The following SESN1 variants were observed in gnomAD, a reference collection of about 807,000 sequenced individuals.
SESN1 encodes the protein sestrin-1.
SESN1 carries 30 observed loss-of-function variants against 59.3 expected under a neutral mutation model. That is an observed-to-expected ratio of 0.51 (90% CI 0.38 to 0.69). SESN1 has a LOEUF of 0.69. Ranked by LOEUF, SESN1 falls within the 30% of genes least tolerant of loss-of-function variation. The pLI, the probability that SESN1 is intolerant of heterozygous loss-of-function variation, is 0.00. For synonymous variants in SESN1, 197 were observed against 219.9 expected, an observed-to-expected ratio of 0.90 and a Z score of 0.92; for missense variants, 566 against 673.0, an observed-to-expected ratio of 0.84 and a Z score of 1.76.
intron 1 of SESN1, among the ~76,000 whole-genome samples, chr6:109,049,211 G>A (rs1387607520): frequency 6.6e-6 from 1 of 152,102 alleles, no homozygotes; most frequent in Non-Finnish European, 1.5e-5. Flanking sequence ...AAAAAAGAAG[G>A]AATCCTGTCA....
rs759994842 is a variant in SESN1, at chr6:108,988,707, G to A, written c.1425-20C>T. On this transcript the variant is annotated intron_variant, in intron 8 of 9. Transcript: ENST00000436639. ...TCATATCTGTTGAAAGACATAATGA[G>A]AATTATGATATTTTCAGTGTATAAC... is the stretch of plus-strand genomic sequence containing the variant. 1 of 1,565,400 alleles carries A rather than the reference G, an allele frequency of 6.4e-7. No individual in the cohort carries two copies. Among genetic ancestry groups the A allele is most frequent in the African/African-American group, 1.4e-5 (1 of 73,554 alleles).
intron 1 of SESN1, chr6:109,090,745 G>A (rs1191498215): frequency 2.0e-5 from 3 of 152,184 alleles, no homozygotes; most frequent in Non-Finnish European, 4.4e-5. Context: ...GGCAGAAGAG[G>A]CAGGCATACT....
chr6:108,991,206 T>A (rs1779375528), intron 7 of SESN1, among the ~76,000 whole-genome samples: 1 of 151,798 alleles, frequency 6.6e-6, no homozygotes, highest in Non-Finnish European at 1.5e-5. Flanking sequence ...GCTGCAGCCA[T>A]TCAAGTGGTC....
At chr6:109,072,824 G>A (rs1167661205) in intron 1 of SESN1, among the ~76,000 whole-genome samples, 1 of 151,956 alleles carries the variant, frequency 6.6e-6, no homozygotes, top group Non-Finnish European at 1.5e-5. Context: ...CTGTGTTTGT[G>A]ACTTGAAAGA....
intron 8 of SESN1, among the ~76,000 whole-genome samples, chr6:108,990,185 G>A (rs1226583532): frequency 6.6e-6 from 1 of 152,220 alleles, no homozygotes; most frequent in Non-Finnish European, 1.5e-5. Context: ...CTAACAGCAA[G>A]GACATGAAAG....
intron 1 of SESN1, among the ~76,000 whole-genome samples, chr6:109,074,203 TATG>T (rs1262660108): frequency 3.9e-5 from 6 of 152,232 alleles, no homozygotes; most frequent in African/African-American, 1.4e-4. Context: ...AAGTACATTC[TATG>T]ATGTTTGCAC....
At chr6:109,053,334 A>G (rs1014790430) in intron 1 of SESN1, among the ~76,000 whole-genome samples, 11 of 152,196 alleles carry the variant, frequency 7.2e-5, no homozygotes, top group Non-Finnish European at 1.6e-4. Context: ...TGAAAACCCA[A>G]ACAATAAGAC....
intron 1 of SESN1, among the ~76,000 whole-genome samples, chr6:109,076,781 T>C (rs1176195592): frequency 6.6e-6 from 1 of 152,208 alleles, no homozygotes. Context: ...TACAGTAAAA[T>C]TTATTTGCTG....
At chr6:109,022,411 C>CT (rs779366759) in intron 1 of SESN1, among the ~76,000 whole-genome samples, 1,359 of 65,898 alleles carry the variant, frequency 0.021, 327 homozygotes, top group East Asian at 0.11. Flanking sequence ...TGTTCTAAAG[C>CT]TTTTTTTTTT....
intron 1 of SESN1, among the ~76,000 whole-genome samples, chr6:109,059,954 C>A (rs979492707): frequency 1.3e-5 from 2 of 152,178 alleles, no homozygotes; most frequent in Admixed American, 1.3e-4. Flanking sequence ...TGACTAAACA[C>A]AGGGACTTCC....
At chr6:109,005,392 G>A (rs1187835398) in intron 1 of SESN1, among the ~76,000 whole-genome samples, 1 of 152,034 alleles carries the variant, frequency 6.6e-6, no homozygotes, top group African/African-American at 2.4e-5. Context: ...CAATTTCTAG[G>A]CCTTTATCTT....
At chr6:109,063,359 G>A (rs1420339585) in intron 1 of SESN1, among the ~76,000 whole-genome samples, 1 of 152,148 alleles carries the variant, frequency 6.6e-6, no homozygotes, top group Non-Finnish European at 1.5e-5. Context: ...TTGGGGGGAA[G>A]GCCAGTAGGC....
intron 1 of SESN1, chr6:109,008,919 ATGAAGG>A: frequency 7.1e-6 from 7 of 987,932 alleles, no homozygotes; most frequent in Non-Finnish European, 7.2e-6. Flanking sequence ...GGCAAAGGGG[ATGAAGG>A]TGGCTAAATA....
rs528407909 is a variant in SESN1 at position 109,009,867 on chromosome 6, C to A, written c.280-7524G>T. ...GGGACAGGGGAATCTGCCCCCTACA[C>A]CCCTGCTCGGCCATTTACCTAGAAC... On this transcript the variant is annotated intron_variant, in intron 1 of 9. Transcript: ENST00000436639. Among the ~76,000 whole-genome samples, 46 of 152,238 alleles carry A rather than the reference C, an allele frequency of 3.0e-4. 1 individual carries two copies. The South Asian group carries it at 9.5e-3, about 32-fold the overall frequency.
intron 1 of SESN1, among the ~76,000 whole-genome samples, chr6:109,046,733 C>A (rs1780447476): frequency 7.3e-6 from 1 of 137,128 alleles, no homozygotes. Context: ...CTCTGCCCCG[C>A]CGCCCCATCT....
At chr6:109,052,306 T>TA (rs144241849) in intron 1 of SESN1, among the ~76,000 whole-genome samples, 2,708 of 152,286 alleles carry the variant, frequency 0.018, 77 homozygotes, top group African/African-American at 0.062. Flanking sequence ...ATTTTAAAGA[T>TA]AATTTTTGTT....
intron 1 of SESN1, among the ~76,000 whole-genome samples, chr6:109,068,078 A>G (rs1327226184): frequency 6.6e-6 from 1 of 152,178 alleles, no homozygotes; most frequent in Non-Finnish European, 1.5e-5. Flanking sequence ...TCCAGTAACT[A>G]CACTCAACCT....
chr6:109,040,526 G>A (rs889357503), intron 1 of SESN1, among the ~76,000 whole-genome samples: 4 of 151,928 alleles, frequency 2.6e-5, no homozygotes, highest in Admixed American at 2.0e-4. Context: ...TTAGGGTAAC[G>A]CCAGCAAATT....
chr6:109,014,988 A>G (rs1022794976), intron 1 of SESN1, among the ~76,000 whole-genome samples: 1 of 152,192 alleles, frequency 6.6e-6, no homozygotes, highest in African/African-American at 2.4e-5. Context: ...GTTTACTGCT[A>G]TATTTCCAAT....
Sources: allele counts gnomAD v4.1 joint callset (sites outside exome capture counted in the v4.1 genomes callset), GRCh38; gene constraint gnomAD v4.1.1; transcripts MANE v1.5; gene names NCBI Gene and HGNC (gene_info 2026-07-23, HGNC 2026-07-21).